LHFPL2: variants seen among roughly 807,000 people sequenced by gnomAD.
LHFPL2 encodes the protein LHFPL tetraspan subfamily member 2 protein.
Under a neutral mutation model 17.5 loss-of-function variants are expected in LHFPL2, and 7 were observed. The observed-to-expected ratio is 0.40, with a 90% CI of 0.23 to 0.75. LHFPL2 has a LOEUF of 0.75. Among genes scored for constraint, LHFPL2 ranks in the 30% least tolerant of loss-of-function variants. The pLI is 0.37. For synonymous variants in LHFPL2, 134 were observed against 116.2 expected (o/e 1.15, Z -0.99); for missense variants, 241 against 294.8 (o/e 0.82, Z 1.34).
chr5:78,575,332 A>G (rs1757101959), intron 2 of LHFPL2, among the ~76,000 whole-genome samples: 2 of 152,172 alleles, frequency 1.3e-5, no homozygotes, highest in South Asian at 4.1e-4. Context: ...GTGGATCACA[A>G]GGTCAGGAGA....
At chr5:78,542,896 G>T (rs1756155364) in intron 3 of LHFPL2, among the ~76,000 whole-genome samples, 1 of 152,210 alleles carries the variant, frequency 6.6e-6, no homozygotes, top group Non-Finnish European at 1.5e-5. Context: ...AAGGTAGAAA[G>T]AAATTACTTA....
chr5:78,634,910 A>C (rs1421320648), intron 1 of LHFPL2, among the ~76,000 whole-genome samples: 1 of 152,188 alleles, frequency 6.6e-6, no homozygotes, highest in Non-Finnish European at 1.5e-5. Flanking sequence ...TGTGTGTTTC[A>C]TTTCAAGAAC....
chr5:78,611,297 G>C (rs1232758172), intron 2 of LHFPL2, among the ~76,000 whole-genome samples: 1 of 152,212 alleles, frequency 6.6e-6, no homozygotes, highest in Non-Finnish European at 1.5e-5. Flanking sequence ...AGACCAGTGT[G>C]GGCTGAGGGG....
At chr5:78,508,399 A>T (rs928273717) in intron 4 of LHFPL2, among the ~76,000 whole-genome samples, 8 of 152,284 alleles carry the variant, frequency 5.3e-5, no homozygotes, top group Non-Finnish European at 1.0e-4. Flanking sequence ...CAGAAAGTTT[A>T]AAGGGCCTGG....
chr5:78,498,821 T>TA (rs760206201), intron 4 of LHFPL2, among the ~76,000 whole-genome samples: 16 of 152,244 alleles, frequency 1.1e-4, no homozygotes, highest in Non-Finnish European at 1.6e-4. Flanking sequence ...GATAACCATC[T>TA]ATCTGGAAAA....
intron 2 of LHFPL2, among the ~76,000 whole-genome samples, chr5:78,582,806 T>C (rs1743198650): frequency 6.7e-6 from 1 of 150,310 alleles, no homozygotes; most frequent in South Asian, 2.1e-4. Context: ...TTATGTCTGC[T>C]TGGTGCAGAG....
chr5:78,647,731 T>C (rs1221024679), intron 1 of LHFPL2, among the ~76,000 whole-genome samples: 1 of 152,028 alleles, frequency 6.6e-6, no homozygotes, highest in African/African-American at 2.4e-5. Context: ...ATGGAACTCA[T>C]GACCATCCTG....
At chr5:78,570,753 A>C (rs1289476416) in intron 2 of LHFPL2, among the ~76,000 whole-genome samples, 1 of 151,874 alleles carries the variant, frequency 6.6e-6, no homozygotes, top group African/African-American at 2.4e-5. Context: ...TACTTGTTCC[A>C]GAATAGGTTA....
At chr5:78,492,066 C>G (rs4704513) in intron 4 of LHFPL2, among the ~76,000 whole-genome samples, 28,515 of 152,156 alleles carry the variant, frequency 0.19, 2,943 homozygotes, top group Admixed American at 0.29. Context: ...AGCCTCCCCA[C>G]AAGGTATGAT....
At chr5:78,542,597 C>T (rs1393263887) in intron 3 of LHFPL2, among the ~76,000 whole-genome samples, 1 of 152,184 alleles carries the variant, frequency 6.6e-6, no homozygotes, top group Non-Finnish European at 1.5e-5. Flanking sequence ...ACCCTCATCT[C>T]CACATGCACA....
Position 78,509,220 on chromosome 5 carries a change from A to G in LHFPL2, c.430+564T>C, listed in dbSNP as rs78446564. Among the ~76,000 whole-genome samples, 333 of 152,316 alleles carry G rather than the reference A, an allele frequency of 2.2e-3. 2 individuals carry two copies. The highest frequency in any genetic ancestry group is 0.01 in the Middle Eastern group (3 of 294). ...TCTGTCAGGCTCTAGGAGACAGACA[A>G]TTTAAACCAGAACATCACTAAACAC... On this transcript the variant is annotated intron_variant, in intron 4 of 4. Coordinates refer to ENST00000380345, the MANE Select transcript of LHFPL2 (RefSeq NM_005779.3).
intron 3 of LHFPL2, among the ~76,000 whole-genome samples, chr5:78,556,469 C>T (rs1352894204): frequency 6.6e-6 from 1 of 152,176 alleles, no homozygotes; most frequent in Non-Finnish European, 1.5e-5. Flanking sequence ...GAACTGATAA[C>T]TCATTCCTGA....
At position 78,528,115 on chromosome 5, in the gene LHFPL2, T is replaced by C. The variant is rs1755673187; in HGVS notation, c.-185-17717A>G. The stretch of plus-strand genomic sequence containing the variant: ...AACAATACTGAAATGCTTAAACCAA[T>C]GCATTTCTTGTGGGCACTTAGTCAC... On this transcript the variant is annotated intron_variant, in intron 3 of 4. Coordinates refer to ENST00000380345, the MANE Select transcript of LHFPL2 (RefSeq NM_005779.3). Among the ~76,000 whole-genome samples the C allele has an allele frequency of 2.0e-5, 3 of 152,238 alleles. No individual in the cohort carries two copies. The South Asian group carries it at 6.2e-4, about 32-fold the overall frequency.
intron 2 of LHFPL2, among the ~76,000 whole-genome samples, chr5:78,592,841 T>C (rs1251232316): frequency 6.6e-6 from 1 of 152,206 alleles, no homozygotes; most frequent in African/African-American, 2.4e-5. Context: ...GATTACTCTT[T>C]CTGAATTTTA....
chr5:78,624,642 C>A (rs73148051), intron 2 of LHFPL2, among the ~76,000 whole-genome samples: 1 of 152,128 alleles, frequency 6.6e-6, no homozygotes, highest in Non-Finnish European at 1.5e-5. Flanking sequence ...CTTGAATTAA[C>A]CTCCTATAAC....
chr5:78,615,081 G>A (rs1172895080), intron 2 of LHFPL2, among the ~76,000 whole-genome samples: 1 of 152,200 alleles, frequency 6.6e-6, no homozygotes, highest in Non-Finnish European at 1.5e-5. Context: ...TACAATGGGG[G>A]CAGTATCAAC....
In LHFPL2 at chr5:78,485,256, G is replaced by T. The variant is rs878973399; in HGVS notation, c.*3641C>A. 6.6e-6 allele frequency: 1 copy of T among 152,220 alleles called. No individual in the cohort carries two copies. The highest frequency in any genetic ancestry group is 2.4e-5 in the African/African-American group (1 of 41,424). 9.4% of individuals were successfully genotyped at this position (152,220 alleles called of 1,614,324 possible). On this transcript the variant is annotated 3_prime_UTR_variant, in exon 5 of 5. Transcript: ENST00000380345. ...GAATTGCAAAATCTGGTTTAATTAAGATCTGGGGAGGGGAGCACATAGTGA... is the reference window on the plus strand; with the variant it reads ...GAATTGCAAAATCTGGTTTAATTAATATCTGGGGAGGGGAGCACATAGTGA...
intron 1 of LHFPL2, among the ~76,000 whole-genome samples, chr5:78,646,087 C>G (rs1561381136): frequency 6.6e-6 from 1 of 152,224 alleles, no homozygotes; most frequent in Non-Finnish European, 1.5e-5. Flanking sequence ...ATACCTGAAG[C>G]TGCCATTGCA....
intron 3 of LHFPL2, among the ~76,000 whole-genome samples, chr5:78,546,198 T>C (rs1756266898): frequency 6.6e-6 from 1 of 152,266 alleles, no homozygotes; most frequent in African/African-American, 2.4e-5. Flanking sequence ...ATTTTCTCTA[T>C]ATTCTCTTTT....
Sources: allele counts gnomAD v4.1 joint callset (sites outside exome capture counted in the v4.1 genomes callset), GRCh38; gene constraint gnomAD v4.1.1; transcripts MANE v1.5; gene names NCBI Gene and HGNC (gene_info 2026-07-23, HGNC 2026-07-21).